Variants in TUBGCP2 observed in about 807,000 individuals in gnomAD.
TUBGCP2 encodes gamma-tubulin complex component 2.
A neutral mutation model predicts 92.2 loss-of-function variants in TUBGCP2; 55 were observed. The ratio of observed to expected loss-of-function variants is 0.60; its 90% CI spans 0.48 to 0.75. The LOEUF (loss-of-function observed/expected upper bound fraction) is 0.75, where lower values mean the gene tolerates loss of function less well. Among genes scored for constraint, TUBGCP2 ranks in the 30% least tolerant of loss-of-function variants. TUBGCP2 has a pLI of 0.00. For synonymous variants in TUBGCP2, 533 were observed against 505.2 expected (o/e 1.06, Z -0.74); for missense variants, 1,093 against 1,188.9 (o/e 0.92, Z 1.19).
chr10:133,309,443 C>T (rs138971034), upstream of TUBGCP2: 5 of 1,612,316 alleles, frequency 3.1e-6, no homozygotes, highest in African/African-American at 4.0e-5. Flanking sequence ...TGCAGGTGGC[C>T]GACGTGCCTG....
rs139523865 is a variant in TUBGCP2 at position 133,298,567 on chromosome 10, G to C, written c.457-456C>G. ...TACCCTGCCGGAGAAGGGCCCCAGC[G>C]TGACAGGATGGCTCCTGACATGTGG... is the stretch of plus-strand genomic sequence containing the variant. On this transcript the variant is annotated intron_variant, in intron 4 of 17. Coordinates refer to ENST00000252936, the MANE Select transcript of TUBGCP2 (RefSeq NM_006659.4). 8.5e-5 allele frequency among the ~76,000 whole-genome samples: 13 copies of C among 152,364 alleles called. No homozygotes were observed. In the East Asian group the frequency reaches 2.5e-3, roughly 29 times the overall value.
chr10:133,309,729 G>C, upstream of TUBGCP2: 1 of 1,603,732 alleles, frequency 6.2e-7, no homozygotes, highest in South Asian at 1.1e-5. Context: ...GTCCAGCTTG[G>C]TTCCTCGCAC....
At chr10:133,290,044 C>T (rs1847243212) in intron 8 of TUBGCP2, 75 bp from the exon 9 acceptor site, 5 of 1,580,822 alleles carry the variant, frequency 3.2e-6, no homozygotes, top group African/African-American at 1.3e-5. Flanking sequence ...TCCAGGCCGG[C>T]AGCGCGCAGG....
intron 11 of TUBGCP2, among the ~76,000 whole-genome samples, chr10:133,286,959 C>T (rs1847148550): frequency 6.6e-6 from 1 of 152,050 alleles, no homozygotes; most frequent in South Asian, 2.1e-4. Context: ...AAGCAGCAGA[C>T]AGGAGTAACA....
At position 133,299,530 on chromosome 10, in the gene TUBGCP2, G is replaced by A; in HGVS notation, c.353C>T (p.Thr118Ile). 1 of 1,613,878 alleles carries A rather than the reference G, an allele frequency of 6.2e-7. No homozygotes were observed. Among genetic ancestry groups the A allele is most frequent in the Non-Finnish European group, 8.5e-7 (1 of 1,179,916 alleles). Residue 118 changes from threonine to isoleucine, a missense_variant, in exon 4 of 18, where the codon ACC becomes ATC. Around this residue, in one of 3 missense-constraint regions of TUBGCP2, gnomAD observed 490 missense variants for 488.5 expected, o/e 1.00. Coordinates refer to ENST00000252936, the MANE Select transcript of TUBGCP2 (RefSeq NM_006659.4). Reference protein sequence around the residue: ...LAAAAVGSSTTSINVPAAASK... With the variant: ...LAAAAVGSSTISINVPAAASK... ...GGCCGCGGCAGGGACGTTGATGCTG[G>A]TGGTACTGCTGCCCACAGCAGCGGC...
rs963252696 is a variant in TUBGCP2 at position 133,285,853 on chromosome 10, A to G, written c.1723-225T>C. Among the ~76,000 whole-genome samples, 1 of 152,190 alleles carries G rather than the reference A, an allele frequency of 6.6e-6. No homozygotes were observed. The highest frequency in any genetic ancestry group is 1.5e-5 in the Non-Finnish European group (1 of 68,044). ...AAAACAACAAAAATTCAGATGAATT[A>G]CTTTGTAAATACCCACTGCTGCTGT... is the stretch of plus-strand genomic sequence containing the variant. On this transcript the variant is annotated intron_variant, in intron 11 of 17. Transcript: ENST00000252936. The surrounding 1 kb of genome is among the most constrained non-coding windows in gnomAD (Gnocchi z 6.8).
upstream of TUBGCP2, chr10:133,309,712 G>A: frequency 1.3e-6 from 2 of 1,579,894 alleles, no homozygotes; most frequent in Non-Finnish European, 1.7e-6. Context: ...GGGAAACTGT[G>A]CAGAAAGTCC....
upstream of TUBGCP2, chr10:133,311,968 G>A (rs779095043): frequency 9.3e-6 from 15 of 1,610,984 alleles, no homozygotes; most frequent in South Asian, 6.6e-5. Context: ...TAAGAAAATC[G>A]GCTTCCGCCA....
In TUBGCP2 at chr10:133,300,024, C is replaced by CG; in HGVS notation, c.239dup (p.Leu81AlafsTer27). ...TGAGCTTTGACAACAGGTACACCAGCGGGTCAAGGTTCCTTGTATTTTTAG... is the reference window on the plus strand; with the variant it reads ...TGAGCTTTGACAACAGGTACACCAGCGGGGTCAAGGTTCCTTGTATTTTTAG... On this transcript the variant is annotated frameshift_variant, in exon 3 of 18. Transcript: ENST00000252936. LOFTEE classifies it high-confidence loss of function. 1 of 1,614,074 alleles carries CG rather than the reference C, an allele frequency of 6.2e-7. No homozygotes were observed. Among genetic ancestry groups the CG allele is most frequent in the Admixed American group, 1.7e-5 (1 of 60,002 alleles).
In TUBGCP2 at chr10:133,299,568, T is replaced by A. The variant is rs747691647; in HGVS notation, c.315A>T (p.Arg105Ser). 17 of 1,613,066 alleles carry A rather than the reference T, an allele frequency of 1.1e-5. No homozygotes were observed. The South Asian group carries it at 1.8e-4, about 17-fold the overall frequency. ...LQYLQQNAKE[R>S]AELAAAAVGS... Reference sequence around the variant, plus strand: ...CCACAGCAGCGGCTGCAAGCTCAGCTCTTTCTTTTGCATTCTGTTGTAAGT... The same window carrying A: ...CCACAGCAGCGGCTGCAAGCTCAGCACTTTCTTTTGCATTCTGTTGTAAGT... Residue 105 changes from arginine (R) to serine (S), a missense_variant, in exon 4 of 18, where the codon AGA becomes AGT. By Grantham distance (110) the Arg-to-Ser change is moderately radical. Transcript: ENST00000252936.
At position 133,283,184 on chromosome 10, in the gene TUBGCP2, C is replaced by G. The variant is rs752510276; in HGVS notation, c.2183G>C (p.Gly728Ala). Reference sequence around the variant, plus strand: ...GTCCTTCAGGCAGGTGTCCAGGAAGCCTGTGTGGTGGCCAAGGACGTCGTC... The same window carrying G: ...GTCCTTCAGGCAGGTGTCCAGGAAGGCTGTGTGGTGGCCAAGGACGTCGTC... ...NIDDVLGHHT[G>A]FLDTCLKDCM... The change falls in exon 15 of 18, where the codon GGC (glycine) becomes GCC (alanine). Residue 728 changes from glycine to alanine, a missense_variant. This residue lies in a region of TUBGCP2 where 598 missense variants were observed against 675.5 expected (regional missense o/e 0.89). Transcript: ENST00000252936. 6.2e-6 allele frequency: 10 copies of G among 1,614,104 alleles called. No individual in the cohort carries two copies. Among genetic ancestry groups the G allele is most frequent in the African/African-American group, 1.3e-5 (1 of 74,936 alleles).
rs771759433 is a variant in TUBGCP2, at chr10:133,302,942, AG to A, written c.-2del. 2.3e-5 allele frequency: 37 copies of A among 1,614,066 alleles called. No individual in the cohort carries two copies. The Admixed American group carries it at 6.0e-4, about 26-fold the overall frequency. ...CATGGTGAATCCGAAATTCACTCAT[AG>A]TTTTAGCTCTGAGGCACGAACATCA... On this transcript the variant is annotated 5_prime_UTR_variant, in exon 2 of 18. Coordinates refer to ENST00000252936, the MANE Select transcript of TUBGCP2 (RefSeq NM_006659.4).
In TUBGCP2 at chr10:133,308,823, C is replaced by G; in HGVS notation, c.-40G>C. On this transcript the variant is annotated splice_region_variant and 5_prime_UTR_variant, in exon 1 of 18. Transcript: ENST00000252936. ...GCGCCCGCGTTCGGCCAGGACTCAC[C>G]GCAGTCCCGGAGCCACAGCCCCCGC... is the stretch of plus-strand genomic sequence containing the variant. 1.2e-6 allele frequency: 1 copy of G among 866,864 alleles called. No homozygotes were observed. Among genetic ancestry groups the G allele is most frequent in the Non-Finnish European group, 1.5e-6 (1 of 667,376 alleles). 53.7% of individuals were successfully genotyped at this position (866,864 alleles called of 1,614,324 possible).
At chr10:133,289,132 G>C in intron 9 of TUBGCP2, 112 bp from the exon 10 acceptor site, 5 of 1,249,626 alleles carry the variant, frequency 4.0e-6, no homozygotes, top group Non-Finnish European at 5.5e-6. Flanking sequence ...CTCTCCACAC[G>C]GTCAGTCTGA....
At chr10:133,309,076 C>T, upstream of TUBGCP2, 1 of 1,302,910 alleles carries the variant, frequency 7.7e-7, no homozygotes, top group Non-Finnish European at 9.8e-7. Context: ...GCGCTTCCCG[C>T]GGGAGCACCA....
chr10:133,297,346 C>T (rs1345392996), intron 5 of TUBGCP2: 4 of 419,200 alleles, frequency 9.5e-6, no homozygotes, highest in Admixed American at 8.3e-5. Flanking sequence ...TGCAGTGTGC[C>T]GAGATCACGC....
intron 2 of TUBGCP2, chr10:133,301,772 G>C (rs993754186): frequency 3.8e-5 from 5 of 129,886 alleles, no homozygotes; most frequent in Non-Finnish European, 6.2e-5. Context: ...GAATGCAGTG[G>C]CACGATATCT....
In TUBGCP2 at chr10:133,279,873, G is replaced by A. The variant is rs199504128; in HGVS notation, c.2602C>T (p.Arg868Cys). 2.1e-5 allele frequency: 33 copies of A among 1,608,772 alleles called. No homozygotes were observed. Among genetic ancestry groups the A allele is most frequent in the East Asian group, 2.2e-5 (1 of 44,598 alleles). The change falls in exon 18 of 18, where the codon CGC (arginine) becomes TGC (cysteine). Residue 868 changes from arginine (R) to cysteine (C), a missense_variant. Arg to Cys is a radical substitution (Grantham distance 180, BLOSUM62 -3). This residue lies in a region of TUBGCP2 where 598 missense variants were observed against 675.5 expected (regional missense o/e 0.89). Coordinates refer to ENST00000252936, the MANE Select transcript of TUBGCP2 (RefSeq NM_006659.4). ...CTCTCTGCAGACAGGCGCTCCAGGC[G>A]CTCCGTGTAGAAACCATTGAAGTCA... ...RLDFNGFYTE[R>C]LERLSAERSQ...
intron 14 of TUBGCP2, 127 bp from the exon 15 acceptor site, chr10:133,283,348 G>A (rs1847038706): frequency 1.5e-6 from 2 of 1,319,600 alleles, no homozygotes; most frequent in Non-Finnish European, 1.0e-6. Context: ...AATGGGCCTT[G>A]GGCTTTTAGG....
Sources: gnomAD v4.1 joint callset for allele counts (sites outside exome capture counted in the v4.1 genomes callset) on GRCh38, gnomAD v4.1.1 for gene constraint, gnomAD v4.1.1 regional missense constraint, Gnocchi (gnomAD v3.1) non-coding constraint, MANE v1.5 for transcripts, NCBI Gene and HGNC (gene_info 2026-07-23, HGNC 2026-07-21) for gene names.